NRXN3: variants seen among roughly 807,000 people sequenced by gnomAD.
NRXN3 encodes neurexin III.
In NRXN3, 32 loss-of-function variants were observed where a neutral mutation model predicts 137.6. The ratio of observed to expected loss-of-function variants is 0.23; its 90% confidence interval spans 0.18 to 0.31. NRXN3 has a LOEUF of 0.31. Ranked by LOEUF, NRXN3 falls within the 10% of genes least tolerant of loss-of-function variation. The pLI is 1.00. For synonymous variants in NRXN3, 798 were observed against 784.5 expected (o/e 1.02, Z -0.29); for missense variants, 1,574 against 2,062.5 (o/e 0.76, Z 4.59).
rs184555732 is a variant in NRXN3, at chr14:78,241,794, C to G, written c.-703-597C>G. On this transcript the variant is annotated intron_variant, in intron 1 of 20. Coordinates refer to ENST00000335750, the MANE Select transcript of NRXN3 (RefSeq NM_001330195.2). ...ACATACAGGAGCTAGGATTCAAACT[C>G]AGCCTTTTTTTTTTAGAAGGAATAA... is the stretch of plus-strand genomic sequence containing the variant. Among the ~76,000 whole-genome samples the G allele has an allele frequency of 2.0e-5, 3 of 151,932 alleles. 1 individual carries two copies. The South Asian group carries it at 6.2e-4, about 32-fold the overall frequency.
chr14:78,325,797 G>A (rs2080005112), intron 4 of NRXN3, among the ~76,000 whole-genome samples: 1 of 152,116 alleles, frequency 6.6e-6, no homozygotes, highest in East Asian at 1.9e-4. Flanking sequence ...GCTTGACCTG[G>A]TGATCTCTGA....
At chr14:79,128,732 G>T (rs1184613033) in intron 15 of NRXN3, among the ~76,000 whole-genome samples, 1 of 152,060 alleles carries the variant, frequency 6.6e-6, no homozygotes, top group Non-Finnish European at 1.5e-5. Context: ...CTATTGATTG[G>T]AATAGTTTCA....
intron 4 of NRXN3, among the ~76,000 whole-genome samples, chr14:78,385,290 AACACACACACACAC>A (rs34246142): frequency 0.037 from 5,427 of 147,178 alleles, 263 homozygotes; most frequent in African/African-American, 0.11. Flanking sequence ...AACTTTAAGC[AACACACACACACAC>A]ACACACACAC....
chr14:79,492,463 A>G (rs2096726658), intron 16 of NRXN3, among the ~76,000 whole-genome samples: 1 of 151,880 alleles, frequency 6.6e-6, no homozygotes. Flanking sequence ...CCTTACCACA[A>G]CCCCTGTCAC....
chr14:79,438,469 A>T (rs2153565095), intron 15 of NRXN3, among the ~76,000 whole-genome samples: 1 of 152,276 alleles, frequency 6.6e-6, no homozygotes, highest in African/African-American at 2.4e-5. Flanking sequence ...AAGTACTAAA[A>T]AGGCCTCTTT....
intron 4 of NRXN3, among the ~76,000 whole-genome samples, chr14:78,343,225 A>G (rs539876052): frequency 3.9e-4 from 60 of 152,348 alleles, no homozygotes; most frequent in Middle Eastern, 3.4e-3. Flanking sequence ...TGATGCTTAC[A>G]TCAACACCAC....
chr14:79,207,576 A>G (rs2066969512), intron 15 of NRXN3, among the ~76,000 whole-genome samples: 1 of 152,128 alleles, frequency 6.6e-6, no homozygotes, highest in African/African-American at 2.4e-5. Flanking sequence ...GAATAAGGAA[A>G]CCACTCTGAA....
At chr14:78,409,115 G>A (rs1176603247) in intron 4 of NRXN3, among the ~76,000 whole-genome samples, 1 of 152,212 alleles carries the variant, frequency 6.6e-6, no homozygotes, top group Non-Finnish European at 1.5e-5. Context: ...CACTAGGCTG[G>A]TTGCTACAAA....
chr14:78,602,592 A>G (rs1175517884), intron 4 of NRXN3: 3 of 152,220 alleles, frequency 2.0e-5, no homozygotes, highest in Non-Finnish European at 4.4e-5. Flanking sequence ...GTGTCTCCAG[A>G]CAACTCCAAG....
intron 19 of NRXN3, among the ~76,000 whole-genome samples, chr14:79,773,681 C>G (rs565629327): frequency 1.5e-4 from 22 of 149,950 alleles, no homozygotes; most frequent in South Asian, 1.3e-3. Flanking sequence ...TAATGCTAGA[C>G]GATGAGTTAG....
chr14:79,123,264 C>T (rs555198062), intron 15 of NRXN3, among the ~76,000 whole-genome samples: 19 of 152,030 alleles, frequency 1.2e-4, no homozygotes, highest in Admixed American at 4.6e-4. Context: ...CACACACAAG[C>T]CTGGGAAGGA....
intron 20 of NRXN3, among the ~76,000 whole-genome samples, chr14:79,829,364 A>AT (rs1568386397): frequency 6.6e-6 from 1 of 152,202 alleles, no homozygotes; most frequent in Non-Finnish European, 1.5e-5. Context: ...GGGTTGGAAC[A>AT]TATGTATTCC....
intron 11 of NRXN3, among the ~76,000 whole-genome samples, chr14:78,961,668 G>A (rs1399755725): frequency 6.6e-6 from 1 of 152,176 alleles, no homozygotes; most frequent in Non-Finnish European, 1.5e-5. Context: ...ATGGGGATCT[G>A]AGGCATAGAA....
intron 15 of NRXN3, among the ~76,000 whole-genome samples, chr14:79,449,761 G>A (rs371488393): frequency 6.6e-6 from 1 of 152,064 alleles, no homozygotes; most frequent in Non-Finnish European, 1.5e-5. Flanking sequence ...AGGCCGAGGC[G>A]GGCGGATCAC....
At chr14:79,046,684 A>G (rs948902090) in intron 15 of NRXN3, among the ~76,000 whole-genome samples, 1 of 152,174 alleles carries the variant, frequency 6.6e-6, no homozygotes, top group Non-Finnish European at 1.5e-5. Flanking sequence ...AGCTCAAGCT[A>G]CTTAACTCTC....
chr14:78,512,941 C>T (rs151225782), intron 4 of NRXN3, among the ~76,000 whole-genome samples: 1 of 152,326 alleles, frequency 6.6e-6, no homozygotes, highest in Non-Finnish European at 1.5e-5. Flanking sequence ...GGATCTGAAG[C>T]AGTCCTGCCC....
intron 15 of NRXN3, among the ~76,000 whole-genome samples, chr14:79,321,021 G>A (rs1023154144): frequency 6.6e-6 from 1 of 151,960 alleles, no homozygotes; most frequent in East Asian, 1.9e-4. Context: ...ACATCTGAGC[G>A]ATTTTGTAAT....
chr14:78,364,127 A>G (rs6574438), intron 4 of NRXN3, among the ~76,000 whole-genome samples: 144,728 of 152,342 alleles, frequency 0.95, 68,992 homozygotes, highest in Non-Finnish European at 0.99. Context: ...ACTTGAGTGG[A>G]TAAGATAGGC....
intron 4 of NRXN3, among the ~76,000 whole-genome samples, chr14:78,321,383 G>T (rs1479715364): frequency 6.6e-6 from 1 of 152,034 alleles, no homozygotes; most frequent in African/African-American, 2.4e-5. Flanking sequence ...TCTTCATAAA[G>T]AACAGTGATT....
Sources: allele counts gnomAD v4.1 joint callset (sites outside exome capture counted in the v4.1 genomes callset), GRCh38; gene constraint gnomAD v4.1.1; transcripts MANE v1.5; gene names NCBI Gene and HGNC (gene_info 2026-07-23, HGNC 2026-07-21).